Variants in TMOD1 observed in about 807,000 individuals in gnomAD.
The protein encoded by TMOD1 is tropomodulin 1, also known as tropomodulin-1.
TMOD1 carries 17 observed loss-of-function variants against 40.6 expected under a neutral mutation model. The observed-to-expected ratio is 0.42, with a 90% CI of 0.29 to 0.63. The LOEUF (loss-of-function observed/expected upper bound fraction) is 0.63. TMOD1 is among the 20% of genes least tolerant of loss of function. The pLI, the probability that TMOD1 is intolerant of heterozygous loss-of-function variation, is 0.22. For missense variants in TMOD1, 391 were observed against 447.6 expected, an observed-to-expected ratio of 0.87 and a Z score of 1.14; for synonymous variants, 181 against 175.0, an observed-to-expected ratio of 1.03 and a Z score of -0.27.
rs1829525584 is a variant in TMOD1 at position 97,502,721 on chromosome 9, G to T, written c.-49+918G>T. Among the ~76,000 whole-genome samples, 2 of 152,194 alleles carry T rather than the reference G, an allele frequency of 1.3e-5. No individual in the cohort carries two copies. The highest frequency in any genetic ancestry group is 4.8e-5 in the African/African-American group (2 of 41,450). On this transcript the variant is annotated intron_variant, in intron 1 of 9. Transcript: ENST00000259365. This position sits in a 1 kb window ranked among gnomAD's most constrained non-coding sequence, Gnocchi z 6.1. ...TCGTATCCTGGGACTCACTAAGGCC[G>T]TCGGATATCCTAAGCCGTACAACCC...
intron 8 of TMOD1, among the ~76,000 whole-genome samples, chr9:97,581,222 C>T (rs1166973835): frequency 7.2e-6 from 1 of 138,820 alleles, no homozygotes; most frequent in Admixed American, 7.5e-5. Context: ...TCAATTCCCA[C>T]CTATGAGTGA....
At chr9:97,562,639 G>C (rs754715244) in intron 4 of TMOD1, 93 bp from the exon 5 acceptor site, 108 of 853,558 alleles carry the variant, frequency 1.3e-4, no homozygotes, top group Non-Finnish European at 1.8e-4. Flanking sequence ...TGCCATTTCT[G>C]TGAGCCAGAG....
intron 9 of TMOD1, 146 bp from the exon 10 acceptor site, chr9:97,599,488 A>T: frequency 1.0e-6 from 1 of 952,658 alleles, no homozygotes; most frequent in Non-Finnish European, 1.6e-6. Context: ...TGTACAACTC[A>T]CACATACTGT....
At position 97,599,765 on chromosome 9, in the gene TMOD1, G is replaced by A. The variant is rs1295634756; in HGVS notation, c.*67G>A. On this transcript the variant is annotated 3_prime_UTR_variant, in exon 10 of 10. Transcript: ENST00000259365. ...TATTGATGACCTGTGCTCTGCAGGG[G>A]AAACCAGAAGGCAAAATGCTGGCAG... The A allele has an allele frequency of 2.5e-6, 4 of 1,610,162 alleles. No individual in the cohort carries two copies. The East Asian group carries it at 6.7e-5, about 27-fold the overall frequency.
intron 1 of TMOD1, among the ~76,000 whole-genome samples, chr9:97,505,805 C>T (rs112946890): frequency 1.9e-4 from 29 of 152,152 alleles, no homozygotes; most frequent in African/African-American, 6.0e-4. Flanking sequence ...CCATTTCTAT[C>T]GCCACATCCA....
intron 8 of TMOD1, among the ~76,000 whole-genome samples, chr9:97,584,573 G>C (rs1007815588): frequency 6.6e-6 from 1 of 152,058 alleles, no homozygotes; most frequent in Admixed American, 6.6e-5. Flanking sequence ...TTTCTGTCTC[G>C]TTGATCTGTC....
intron 2 of TMOD1, among the ~76,000 whole-genome samples, chr9:97,540,828 A>G (rs1488216914): frequency 2.6e-5 from 4 of 152,198 alleles, no homozygotes; most frequent in Non-Finnish European, 5.9e-5. Flanking sequence ...TAATGCTGTT[A>G]TAAATGTTCG....
intron 2 of TMOD1, among the ~76,000 whole-genome samples, chr9:97,536,948 A>C (rs989616941): frequency 2.0e-5 from 3 of 152,232 alleles, no homozygotes; most frequent in Non-Finnish European, 4.4e-5. Flanking sequence ...AACCAGGTTA[A>C]GGGGTTTTGC....
chr9:97,523,287 A>G (rs1829946404), intron 1 of TMOD1, among the ~76,000 whole-genome samples: 1 of 152,202 alleles, frequency 6.6e-6, no homozygotes, highest in Admixed American at 6.5e-5. Context: ...AGGCTTCTCC[A>G]GCAAGAGAGA....
chr9:97,593,536 G>A (rs528274342), intron 9 of TMOD1, among the ~76,000 whole-genome samples: 2 of 152,198 alleles, frequency 1.3e-5, no homozygotes, highest in Middle Eastern at 3.4e-3. Flanking sequence ...GGCAACTTTT[G>A]TGTGCCTAGG....
chr9:97,546,158 C>T (rs1830356642), intron 2 of TMOD1, 27 bp from the exon 3 acceptor site: 2 of 1,590,008 alleles, frequency 1.3e-6, no homozygotes, highest in Non-Finnish European at 1.7e-6. Context: ...TTCTCTCTCT[C>T]CTGCCCCCCC....
At chr9:97,509,597 T>C (rs561465860) in intron 1 of TMOD1, among the ~76,000 whole-genome samples, 1 of 150,462 alleles carries the variant, frequency 6.6e-6, no homozygotes, top group East Asian at 2.0e-4. Flanking sequence ...CCTTCTGGGC[T>C]CAAGTGGTCC....
intron 8 of TMOD1, among the ~76,000 whole-genome samples, chr9:97,586,370 C>T (rs1306076733): frequency 1.3e-5 from 2 of 151,934 alleles, no homozygotes; most frequent in Admixed American, 6.6e-5. Flanking sequence ...GTTCTCAGAT[C>T]TCCAGCTGCG....
chr9:97,574,634 C>G (rs1425648595), intron 8 of TMOD1, among the ~76,000 whole-genome samples: 3 of 152,256 alleles, frequency 2.0e-5, no homozygotes, highest in Non-Finnish European at 4.4e-5. Context: ...GCCAGCTGGG[C>G]TCCTGAGTCT....
chr9:97,554,710 G>A (rs550193751), intron 4 of TMOD1, among the ~76,000 whole-genome samples: 4 of 152,260 alleles, frequency 2.6e-5, no homozygotes, highest in Non-Finnish European at 2.9e-5. Context: ...GAGACTCAGA[G>A]GCATGTAAGC....
intron 9 of TMOD1, among the ~76,000 whole-genome samples, chr9:97,594,237 A>G (rs1439050865): frequency 6.6e-6 from 1 of 152,230 alleles, no homozygotes; most frequent in Non-Finnish European, 1.5e-5. Flanking sequence ...ATTACAGGGA[A>G]CAGAGTGCTA....
At chr9:97,588,091 T>C (rs36112076) in intron 8 of TMOD1, among the ~76,000 whole-genome samples, 7,558 of 152,330 alleles carry the variant, frequency 0.05, 253 homozygotes, top group Non-Finnish European at 0.074. Flanking sequence ...TGTGGACTTA[T>C]GTTTTTATTT....
At chr9:97,520,885 C>A (rs541269886) in intron 1 of TMOD1, among the ~76,000 whole-genome samples, 35 of 152,332 alleles carry the variant, frequency 2.3e-4, no homozygotes, top group African/African-American at 7.9e-4. Flanking sequence ...TTCCCAGCCC[C>A]TTTTCCCCAA....
intron 8 of TMOD1, among the ~76,000 whole-genome samples, chr9:97,587,682 C>T (rs1243576629): frequency 6.6e-6 from 1 of 152,112 alleles, no homozygotes; most frequent in Non-Finnish European, 1.5e-5. Context: ...GCAACCATCA[C>T]CACTATCTAA....
Sources: allele counts gnomAD v4.1 joint callset (sites outside exome capture counted in the v4.1 genomes callset), GRCh38; gene constraint gnomAD v4.1.1; non-coding constraint Gnocchi (gnomAD v3.1); transcripts MANE v1.5; gene names NCBI Gene and HGNC (gene_info 2026-07-23, HGNC 2026-07-21).